TMIGD3: variants seen among roughly 807,000 people sequenced by gnomAD.
TMIGD3 encodes transmembrane and immunoglobulin domain containing 3.
TMIGD3 carries 21 observed loss-of-function variants against 28.1 expected under a neutral mutation model. The observed-to-expected ratio is 0.75, with a 90% CI of 0.53 to 1.08. The LOEUF (loss-of-function observed/expected upper bound fraction) is 1.08, where lower values mean the gene tolerates loss of function less well. Among genes scored for constraint, TMIGD3 ranks in the 50% least tolerant of loss-of-function variants. TMIGD3 has a pLI of 0.00. For synonymous variants in TMIGD3, 151 were observed against 162.1 expected, an observed-to-expected ratio of 0.93 and a Z score of 0.52; for missense variants, 416 against 435.6, an observed-to-expected ratio of 0.96 and a Z score of 0.40.
At chr1:111,527,861 T>A (rs1656322635) in intron 1 of TMIGD3, among the ~76,000 whole-genome samples, 1 of 152,162 alleles carries the variant, frequency 6.6e-6, no homozygotes, top group African/African-American at 2.4e-5. Flanking sequence ...ATTTTTTTAT[T>A]GTTGAGGTTT....
intron 1 of TMIGD3, among the ~76,000 whole-genome samples, chr1:111,522,067 T>G (rs12040341): frequency 0.28 from 42,150 of 152,106 alleles, 6,456 homozygotes; most frequent in East Asian, 0.68. Flanking sequence ...ATTGACCATA[T>G]ACGTATGGGT....
At chr1:111,505,124 C>CA (rs754473063), upstream of TMIGD3, 7,430 of 99,882 alleles carry the variant, frequency 0.074, 124 homozygotes, top group Non-Finnish European at 0.087. Context: ...AGCACTCTGC[C>CA]AAAAAAAAAA....
intron 1 of TMIGD3, among the ~76,000 whole-genome samples, chr1:111,494,112 A>C (rs1182973916): frequency 1.3e-5 from 2 of 152,266 alleles, no homozygotes; most frequent in Non-Finnish European, 2.9e-5. Context: ...ATAGTAAGCC[A>C]GCCTGCTGTA....
intron 1 of TMIGD3, among the ~76,000 whole-genome samples, chr1:111,510,888 A>G (rs796318524): frequency 7.9e-5 from 12 of 152,228 alleles, no homozygotes; most frequent in African/African-American, 2.4e-4. Flanking sequence ...TCGATGATCA[A>G]TTTTGGCAAA....
intron 1 of TMIGD3, among the ~76,000 whole-genome samples, chr1:111,538,568 T>C (rs1557840990): frequency 6.6e-6 from 1 of 152,208 alleles, no homozygotes. Context: ...TTTGTTTACC[T>C]TTGATGTGCC....
At chr1:111,491,603 A>G (rs1023578192) in intron 1 of TMIGD3, among the ~76,000 whole-genome samples, 1 of 152,208 alleles carries the variant, frequency 6.6e-6, no homozygotes, top group Non-Finnish European at 1.5e-5. Context: ...TGAAGTCAGC[A>G]TGTGGGCAAG....
At chr1:111,508,863 G>C (rs923532546) in intron 1 of TMIGD3, among the ~76,000 whole-genome samples, 1 of 152,176 alleles carries the variant, frequency 6.6e-6, no homozygotes, top group African/African-American at 2.4e-5. Flanking sequence ...TTGGGAGGCC[G>C]AGGCGGGCGG....
chr1:111,518,606 C>T (rs1344042295), intron 1 of TMIGD3, among the ~76,000 whole-genome samples: 3 of 152,218 alleles, frequency 2.0e-5, no homozygotes, highest in Non-Finnish European at 4.4e-5. Context: ...AAGCGATTTT[C>T]CCAAGGTCAC....
chr1:111,529,883 G>A (rs1215349888), intron 1 of TMIGD3, among the ~76,000 whole-genome samples: 1 of 151,818 alleles, frequency 6.6e-6, no homozygotes, highest in Non-Finnish European at 1.5e-5. Flanking sequence ...GAGCTGTTGG[G>A]TACACCTCCC....
chr1:111,493,843 A>C lies in TMIGD3; in HGVS notation c.351-3081T>G, dbSNP rs1450729376. On this transcript the variant is annotated intron_variant, in intron 1 of 5. Transcript: ENST00000369716. ...TTCCCAATAGTTATAATACTGTAAAACTGTAGAGCATATTAGAATTTACAA... is the reference window on the plus strand; with the variant it reads ...TTCCCAATAGTTATAATACTGTAAACCTGTAGAGCATATTAGAATTTACAA... Among the ~76,000 whole-genome samples the C allele has an allele frequency of 2.6e-5, 4 of 152,330 alleles. No individual in the cohort carries two copies. In the South Asian group the frequency reaches 8.3e-4, roughly 32 times the overall value.
chr1:111,532,944 G>A (rs1008471748), intron 1 of TMIGD3, among the ~76,000 whole-genome samples: 6 of 152,130 alleles, frequency 3.9e-5, no homozygotes, highest in Admixed American at 6.5e-5. Flanking sequence ...GTGTGGTTGC[G>A]GGTGGCCCTG....
intron 1 of TMIGD3, among the ~76,000 whole-genome samples, chr1:111,557,692 C>A (rs1657556908): frequency 6.6e-6 from 1 of 151,964 alleles, no homozygotes; most frequent in Non-Finnish European, 1.5e-5. Context: ...GTTTGAGATG[C>A]TAGAAGGGAT....
chr1:111,508,113 G>A (rs916754038), upstream of TMIGD3, among the ~76,000 whole-genome samples: 18 of 152,348 alleles, frequency 1.2e-4, no homozygotes, highest in African/African-American at 4.3e-4. Context: ...GGGAGGTCAA[G>A]GTTCCTTCAC....
In TMIGD3 at chr1:111,503,368, G is replaced by A. The variant is rs1334527639; in HGVS notation, c.-14C>T. The A allele has an allele frequency of 1.3e-6, 2 of 1,599,374 alleles. No homozygotes were observed. The highest frequency in any genetic ancestry group is 2.2e-5 in the East Asian group (1 of 44,598). On this transcript the variant is annotated 5_prime_UTR_variant, in exon 1 of 6. Transcript: ENST00000369716. ...GTTGTTGGGCATCTTGCCTTCCCAGGGGAACCTCCACAGGGACAGGTGAGC... is the reference window on the plus strand; with the variant it reads ...GTTGTTGGGCATCTTGCCTTCCCAGAGGAACCTCCACAGGGACAGGTGAGC...
chr1:111,501,015 A>G (rs1326908296), intron 1 of TMIGD3: 1 of 180,936 alleles, frequency 5.5e-6, no homozygotes, highest in African/African-American at 2.4e-5. Context: ...AATAAGGTGT[A>G]AGCCTAAGAA....
chr1:111,499,806 T>C (rs1655069275), intron 1 of TMIGD3: 2 of 1,486,092 alleles, frequency 1.3e-6, no homozygotes, highest in Non-Finnish European at 1.8e-6. Context: ...GGGGGAGATA[T>C]AATTGGGGAG....
chr1:111,489,943 C>T (rs888129014), intron 2 of TMIGD3, among the ~76,000 whole-genome samples: 2 of 152,112 alleles, frequency 1.3e-5, no homozygotes, highest in Non-Finnish European at 2.9e-5. Context: ...GACAGCAGAG[C>T]CCATTCTTCT....
At chr1:111,506,964 T>C (rs1415796), upstream of TMIGD3, among the ~76,000 whole-genome samples, 64,900 of 126,692 alleles carry the variant, frequency 0.51, 14,881 homozygotes, top group Non-Finnish European at 0.55. Context: ...CATATATATA[T>C]ACACACACAC....
At chr1:111,500,715 G>A (rs1655132144) in intron 1 of TMIGD3, 3 of 693,056 alleles carry the variant, frequency 4.3e-6, no homozygotes, top group Non-Finnish European at 4.8e-6. Context: ...ATCCTATGGT[G>A]ATTCCAGCTA....
Sources: gnomAD v4.1 joint callset for allele counts (sites outside exome capture counted in the v4.1 genomes callset) on GRCh38, gnomAD v4.1.1 for gene constraint, MANE v1.5 for transcripts, NCBI Gene and HGNC (gene_info 2026-07-23, HGNC 2026-07-21) for gene names.